IDH1: variants seen among roughly 807,000 people sequenced by gnomAD.
The protein encoded by IDH1 is isocitrate dehydrogenase (NADP(+)) 1.
Under a neutral mutation model 46.1 loss-of-function variants are expected in IDH1, and 33 were observed. The observed-to-expected ratio is 0.72, with a 90% CI of 0.54 to 0.96. The LOEUF (loss-of-function observed/expected upper bound fraction) is 0.96, where lower values mean the gene tolerates loss of function less well. Ranked by LOEUF, IDH1 falls within the 40% of genes least tolerant of loss-of-function variation. IDH1 has a pLI of 0.00. For synonymous variants in IDH1, 144 were observed against 172.8 expected (o/e 0.83, Z 1.31); for missense variants, 421 against 515.7 (o/e 0.82, Z 1.78).
At chr2:208,239,346 T>G in intron 8 of IDH1, 113 bp from the exon 9 acceptor site, 1 of 1,040,558 alleles carries the variant, frequency 9.6e-7, no homozygotes, top group Middle Eastern at 2.0e-4. Flanking sequence ...ACAGACTTCT[T>G]TAGATACTAA....
chr2:208,244,407 G>A (rs1687979573), intron 5 of IDH1, among the ~76,000 whole-genome samples: 1 of 152,130 alleles, frequency 6.6e-6, no homozygotes, highest in Non-Finnish European at 1.5e-5. Context: ...TTAAACTTTA[G>A]GGGTGTACTC....
At chr2:208,244,792 A>G (rs1355818529) in intron 5 of IDH1, among the ~76,000 whole-genome samples, 1 of 152,214 alleles carries the variant, frequency 6.6e-6, no homozygotes, top group Non-Finnish European at 1.5e-5. Flanking sequence ...TAATTATTTC[A>G]ACAACTTTTG....
chr2:208,251,255 T>C, intron 3 of IDH1, 175 bp downstream of exon 3: 2 of 328,242 alleles, frequency 6.1e-6, no homozygotes, highest in East Asian at 4.9e-5. Flanking sequence ...TTTTTTTTCC[T>C]TTTTTTTTTA....
chr2:208,248,427 C>T lies in IDH1; in HGVS notation c.356G>A (p.Arg119Gln), dbSNP rs780642190. 3.8e-5 allele frequency: 62 copies of T among 1,613,958 alleles called. 1 individual carries two copies. The South Asian group carries it at 4.0e-4, about 10-fold the overall frequency. ...AGGTTTTACCCATCCACTCACAAGC[C>T]GGGGGATATTTTTGCAGATAATGGC... ...REAIICKNIPRLVSGWVKPII... is the reference protein window; with the variant it reads ...REAIICKNIPQLVSGWVKPII... Residue 119 changes from arginine to glutamine, a missense_variant, in exon 4 of 10, where the codon CGG (arginine) becomes CAG (glutamine). Transcript: ENST00000345146.
At chr2:208,240,084 TC>T in intron 7 of IDH1, 81 bp from the exon 8 acceptor site, 2 of 1,444,152 alleles carry the variant, frequency 1.4e-6, no homozygotes, top group South Asian at 2.3e-5. Flanking sequence ...CATAAATGAC[TC>T]AATCTTGATA....
intron 9 of IDH1, among the ~76,000 whole-genome samples, chr2:208,237,874 G>A (rs13387817): frequency 1.3e-5 from 2 of 150,934 alleles, no homozygotes; most frequent in African/African-American, 2.4e-5. Flanking sequence ...TGCAGTGAGC[G>A]AAGATCACGC....
At chr2:208,243,716 C>G in intron 5 of IDH1, 112 bp from the exon 6 acceptor site, 9 of 839,310 alleles carry the variant, frequency 1.1e-5, no homozygotes, top group Non-Finnish European at 1.8e-5. Flanking sequence ...TCAGCTCTCA[C>G]ATCTGAGACT....
intron 2 of IDH1, among the ~76,000 whole-genome samples, chr2:208,252,668 G>A (rs1458309717): frequency 1.3e-5 from 2 of 152,164 alleles, no homozygotes; most frequent in African/African-American, 2.4e-5. Flanking sequence ...TATTAGATAA[G>A]AAGCCTAAAA....
chr2:208,245,537 G>A (rs1688001507), intron 4 of IDH1, 113 bp from the exon 5 acceptor site: 2 of 416,610 alleles, frequency 4.8e-6, no homozygotes, highest in Non-Finnish European at 8.7e-6. Flanking sequence ...AGGGCAGTAT[G>A]TCAAACTTCT....
rs1687817503 is a variant in IDH1 at position 208,236,657 on chromosome 2, A to G, written c.*422T>C. ...CACAAAACGGGATATCTATGACACC[A>G]GAACTTCCCTGTGCCCAAGGTCATG... On this transcript the variant is annotated 3_prime_UTR_variant, in exon 10 of 10. Coordinates refer to ENST00000345146, the MANE Select transcript of IDH1 (RefSeq NM_005896.4). 17 of 270,468 alleles carry G rather than the reference A, an allele frequency of 6.3e-5. No individual in the cohort carries two copies. The East Asian group carries it at 9.3e-4, about 15-fold the overall frequency. The allele number at this position is 270,468 out of a possible 1,614,324, so 16.8% of individuals were successfully genotyped here. A position where few individuals can be genotyped will look rare whatever the true frequency, so the allele number is the denominator to read the frequency against.
In IDH1 at chr2:208,237,017, A is replaced by G; in HGVS notation, c.*62T>C. 6 of 911,300 alleles carry G rather than the reference A, an allele frequency of 6.6e-6. No individual in the cohort carries two copies. The South Asian group carries it at 7.0e-5, about 11-fold the overall frequency. 56.5% of individuals were successfully genotyped at this position (911,300 alleles called of 1,614,324 possible). A position where few individuals can be genotyped will look rare whatever the true frequency, so the allele number is the denominator to read the frequency against. ...CTTTATCCTTGAGTGTAACACAGAA[A>G]AATGTAAACCTGTAGACCTAGTTAC... On this transcript the variant is annotated 3_prime_UTR_variant, in exon 10 of 10. Transcript: ENST00000345146.
intron 4 of IDH1, 123 bp downstream of exon 4, chr2:208,248,246 A>G (rs1688058564): frequency 4.9e-6 from 4 of 818,322 alleles, no homozygotes; most frequent in Non-Finnish European, 8.1e-6. Flanking sequence ...GCATTTCTCA[A>G]TTTCATACCT....
chr2:208,239,544 A>G (rs544261201), intron 8 of IDH1, among the ~76,000 whole-genome samples: 1 of 152,224 alleles, frequency 6.6e-6, no homozygotes, highest in South Asian at 2.1e-4. Context: ...TCTCTTTTTG[A>G]AGTGCTATCT....
chr2:208,241,128 C>T (rs1687910201), intron 7 of IDH1, among the ~76,000 whole-genome samples: 1 of 152,168 alleles, frequency 6.6e-6, no homozygotes, highest in Non-Finnish European at 1.5e-5. Flanking sequence ...TGGCCCTTAC[C>T]CCATGCATGA....
At chr2:208,253,368 A>G (rs996638811) in intron 2 of IDH1, among the ~76,000 whole-genome samples, 4 of 152,242 alleles carry the variant, frequency 2.6e-5, no homozygotes, top group Non-Finnish European at 5.9e-5. Context: ...CATGTGGAAC[A>G]TAATTGTATT....
At chr2:208,247,998 C>A in intron 4 of IDH1, 2 of 250,022 alleles carry the variant, frequency 8.0e-6, no homozygotes, top group South Asian at 5.1e-5. Context: ...ACAAAACCAC[C>A]AAAAAAACTT....
At chr2:208,247,389 G>C (rs1456285628) in intron 4 of IDH1, 1 of 152,114 alleles carries the variant, frequency 6.6e-6, no homozygotes, top group Non-Finnish European at 1.5e-5. Context: ...TTTTTTTCCA[G>C]GCAGGAAGGA....
In IDH1 at chr2:208,239,847, G is replaced by T; in HGVS notation, c.991+16C>A. The T allele has an allele frequency of 6.2e-7, 1 of 1,613,956 alleles. No individual in the cohort carries two copies. The highest frequency in any genetic ancestry group is 1.1e-5 in the South Asian group (1 of 91,084). Reference sequence around the variant, plus strand: ...GAGCACTCTCTGGTGAGAAATCAATGTAAACACCATCTTACCAATGGGATT... The same window carrying T: ...GAGCACTCTCTGGTGAGAAATCAATTTAAACACCATCTTACCAATGGGATT... On this transcript the variant is annotated intron_variant, in intron 8 of 9. Coordinates refer to ENST00000345146, the MANE Select transcript of IDH1 (RefSeq NM_005896.4).
chr2:208,251,278 C>T, intron 3 of IDH1, 152 bp downstream of exon 3: 5 of 579,978 alleles, frequency 8.6e-6, no homozygotes, highest in Non-Finnish European at 1.2e-5. Context: ...GTGATGGGGT[C>T]TCACTCTGTT....
Sources: gnomAD v4.1 joint callset for allele counts (sites outside exome capture counted in the v4.1 genomes callset) on GRCh38, gnomAD v4.1.1 for gene constraint, MANE v1.5 for transcripts, NCBI Gene and HGNC (gene_info 2026-07-23, HGNC 2026-07-21) for gene names.